TTN: variants seen among roughly 807,000 people sequenced by gnomAD.
The protein encoded by TTN is titin, also known as connectin.
In TTN, 1,525 loss-of-function variants were observed where a neutral mutation model predicts 3,223.0. The observed-to-expected ratio is 0.47, with a 90% CI of 0.45 to 0.49. The LOEUF (loss-of-function observed/expected upper bound fraction) is 0.49. Among genes scored for constraint, TTN ranks in the 20% least tolerant of loss-of-function variants. The probability of loss-of-function intolerance (pLI) is 0.00; values close to 1 mark genes in which losing one functional copy is unlikely to be tolerated. For missense variants in TTN, 40,786 were observed against 43,424.0 expected, an observed-to-expected ratio of 0.94 and a Z score of 5.40; for synonymous variants, 14,094 against 15,161.0, an observed-to-expected ratio of 0.93 and a Z score of 5.17.
rs766572300 is a variant in TTN at position 178,634,820 on chromosome 2, T to G, written c.42054A>C (p.Lys14018Asn). ...PTCEIKAEGGKRFLTLHKVKL... is the reference protein window; with the variant it reads ...PTCEIKAEGGNRFLTLHKVKL... ...TGACTTTGTGCAAAGTTAAGAAGCG[T>G]TTTCCACCTTCTGCTTTGATTTCAC... Residue 14018 changes from lysine (K) to asparagine (N), a missense_variant, in exon 229 of 363, where the codon AAA (lysine) becomes AAC (asparagine). Transcript: ENST00000589042. The surrounding 1 kb of genome is among the most constrained non-coding windows in gnomAD (Gnocchi z 4.6). The G allele has an allele frequency of 1.9e-6, 3 of 1,611,696 alleles. No homozygotes were observed. Among genetic ancestry groups the G allele is most frequent in the Non-Finnish European group, 1.7e-6 (2 of 1,179,088 alleles).
rs767251580 is a variant in TTN at position 178,533,835 on chromosome 2, A to G, written c.102780T>C (p.Phe34260=). The part of the protein sequence containing the change: ...TMRLLERPPE[F]TLPLYNKTAY... ...CTGTCTTATTATAGAGAGGCAGGGT[A>G]AATTCTGGTGGCCTTTCCAGGAGTC... The change falls in exon 358 of 363, where the codon TTT becomes TTC. Residue 34260 remains phenylalanine (F), a synonymous_variant. Transcript: ENST00000589042. 1 of 1,613,848 alleles carries G rather than the reference A, an allele frequency of 6.2e-7. No individual in the cohort carries two copies. The highest frequency in any genetic ancestry group is 2.2e-5 in the East Asian group (1 of 44,892).
chr2:178,574,415 A>G lies in TTN; in HGVS notation c.71717T>C (p.Met23906Thr). The change falls in exon 326 of 363, where the codon ATG becomes ACG. Residue 23906 changes from methionine (M) to threonine (T), a missense_variant. Transcript: ENST00000589042. Reference sequence around the variant, plus strand: ...CTTGCTTGGCTTACTTTTGCCTGCCATGTTTTCTGCAATCACCCGGAACTC... The same window carrying G: ...CTTGCTTGGCTTACTTTTGCCTGCCGTGTTTTCTGCAATCACCCGGAACTC... ...AYEFRVIAEN[M>T]AGKSKPSKPS... is the part of the protein sequence containing the mutation. 5.0e-6 allele frequency: 8 copies of G among 1,613,554 alleles called. No individual in the cohort carries two copies. Among genetic ancestry groups the G allele is most frequent in the Non-Finnish European group, 6.8e-6 (8 of 1,179,656 alleles).
rs778500616 is a variant in TTN, at chr2:178,714,315, C to T, written c.26459G>A (p.Cys8820Tyr). 6.2e-7 allele frequency: 1 copy of T among 1,613,006 alleles called. No individual in the cohort carries two copies. The highest frequency in any genetic ancestry group is 8.5e-7 in the Non-Finnish European group (1 of 1,179,116). Residue 8820 changes from cysteine (C) to tyrosine (Y), a missense_variant, in exon 91 of 363, where the codon TGC becomes TAC. Physicochemically the swap from Cys to Tyr is radical, Grantham distance 194. Coordinates refer to ENST00000589042, the MANE Select transcript of TTN (RefSeq NM_001267550.2). ...ACCGAGAACGGATAGCGTGGCGAAG[C>T]ACTCTTGCATCCCAGCATCGTTTTT... Reference protein sequence around the residue: ...QIKNDAGMQECFATLSVLEPA... With the variant: ...QIKNDAGMQEYFATLSVLEPA...
chr2:178,646,633 T>G, intron 215 of TTN, 74 bp from the exon 216 acceptor site: 1 of 826,046 alleles, frequency 1.2e-6, no homozygotes, highest in Non-Finnish European at 2.0e-6. Context: ...AAATTTCACA[T>G]TGATGCAAAG....
In TTN at chr2:178,774,409, T is replaced by C; in HGVS notation, c.6855A>G (p.Glu2285=). 6.2e-7 allele frequency: 1 copy of C among 1,613,906 alleles called. No individual in the cohort carries two copies. The highest frequency in any genetic ancestry group is 1.1e-5 in the South Asian group (1 of 91,084). The change falls in exon 30 of 363, where the codon GAA becomes GAG. Residue 2285 remains glutamate, a synonymous_variant. Coordinates refer to ENST00000589042, the MANE Select transcript of TTN (RefSeq NM_001267550.2). ...DIEVPESYSG[E]LECIVSPENI... ...TTTCTGGGGATACAATGCACTCTAA[T>C]TCTCCTGAATATGATTCTGGAACTT...
chr2:178,557,586 A>T, intron 328 of TTN, 31 bp from the exon 329 acceptor site: 1 of 1,613,254 alleles, frequency 6.2e-7, no homozygotes, highest in Non-Finnish European at 8.5e-7. Flanking sequence ...ATAGATTAGT[A>T]CAGACAATAA....
intron 319 of TTN, 42 bp from the exon 320 acceptor site, chr2:178,579,435 A>C: frequency 3.9e-6 from 6 of 1,558,062 alleles, no homozygotes; most frequent in Non-Finnish European, 5.2e-6. Context: ...TTTTAAGGCC[A>C]GGCGATTAAC....
At chr2:178,769,648 T>C in intron 37 of TTN, 31 bp downstream of exon 37, 3 of 1,305,946 alleles carry the variant, frequency 2.3e-6, no homozygotes, top group Non-Finnish European at 3.0e-6. Flanking sequence ...TATATATATG[T>C]GTATATATAT....
chr2:178,746,894 G>A, intron 47 of TTN: 2 of 1,613,476 alleles, frequency 1.2e-6, no homozygotes, highest in Non-Finnish European at 1.7e-6. Flanking sequence ...TTCATTGGGT[G>A]TACCAAATGA....
rs2046909755 is a variant in TTN, at chr2:178,578,328, A to T, written c.68330-143T>A. Reference sequence around the variant, plus strand: ...GTATCTATACTTTTATTACCCAAGCATAGTGCCATTTTTTTTTTCCTCTTG... The same window carrying T: ...GTATCTATACTTTTATTACCCAAGCTTAGTGCCATTTTTTTTTTCCTCTTG... On this transcript the variant is annotated intron_variant, in intron 321 of 362. Coordinates refer to ENST00000589042, the MANE Select transcript of TTN (RefSeq NM_001267550.2). 4 of 804,232 alleles carry T rather than the reference A, an allele frequency of 5.0e-6. No homozygotes were observed. In the East Asian group the frequency reaches 1.2e-4, roughly 24 times the overall value. 49.8% of individuals were successfully genotyped at this position (804,232 alleles called of 1,614,324 possible).
chr2:178,750,694 CTT>C, intron 47 of TTN: 1 of 1,612,434 alleles, frequency 6.2e-7, no homozygotes, highest in Non-Finnish European at 8.5e-7. Flanking sequence ...TCAAATCATC[CTT>C]TTTTATTCTT....
Position 178,718,072 on chromosome 2 carries a change from T to C in TTN, c.24934A>G (p.Met8312Val), listed in dbSNP as rs777456359. The part of the protein sequence containing the change: ...TKLRSAPAYK[M>V]QFKNNVASLV... Reference sequence around the variant, plus strand: ...GAAGCAACGTTATTTTTGAATTGCATTTTATATGCAGGAGCTGATCGTAGC... The same window carrying C: ...GAAGCAACGTTATTTTTGAATTGCACTTTATATGCAGGAGCTGATCGTAGC... The change falls in exon 86 of 363, where the codon ATG (methionine) becomes GTG (valine). Residue 8312 changes from methionine (M) to valine (V), a missense_variant. Physicochemically the swap from Met to Val is conservative, Grantham distance 21 (BLOSUM62 1). Coordinates refer to ENST00000589042, the MANE Select transcript of TTN (RefSeq NM_001267550.2). 6.2e-7 allele frequency: 1 copy of C among 1,613,734 alleles called. No homozygotes were observed. The highest frequency in any genetic ancestry group is 8.5e-7 in the Non-Finnish European group (1 of 1,179,726).
rs72648918 is a variant in TTN, at chr2:178,741,863, T to C, written c.11370A>G (p.Gln3790=). ...CAAGTGTTTCATTTATTTTAGATAA[T>C]TGAAGTTCGGCGCTATGAAGTCCTT... ...EEEGLHSAEL[Q]LSKINETLEL... is the part of the protein sequence containing the mutation. The change falls in exon 48 of 363, where the codon CAA becomes CAG. Residue 3790 remains glutamine, a synonymous_variant. Coordinates refer to ENST00000589042, the MANE Select transcript of TTN (RefSeq NM_001267550.2). 5.8e-4 allele frequency: 929 copies of C among 1,591,386 alleles called. 4 individuals are homozygous for C. The highest frequency in any genetic ancestry group is 1.4e-3 in the Admixed American group (77 of 55,732).
Position 178,738,145 on chromosome 2 carries a change from A to G in TTN, c.14308T>C (p.Tyr4770His). Residue 4770 changes from tyrosine to histidine, a missense_variant, in exon 49 of 363, where the codon TAT becomes CAT. Coordinates refer to ENST00000589042, the MANE Select transcript of TTN (RefSeq NM_001267550.2). ...LRTQVVDCGE[Y>H]TCKASNEYGS... ...TACTCATTGGAAGCTTTGCATGTAT[A>G]CTCGCCGCAGTCAACCACCTGGGTT... 1 of 1,613,806 alleles carries G rather than the reference A, an allele frequency of 6.2e-7. No homozygotes were observed. Among genetic ancestry groups the G allele is most frequent in the African/African-American group, 1.3e-5 (1 of 75,036 alleles).
intron 157 of TTN, among the ~76,000 whole-genome samples, 164 bp from the exon 158 acceptor site, chr2:178,669,839 G>A (rs1002886644): frequency 6.6e-6 from 1 of 151,962 alleles, no homozygotes; most frequent in Non-Finnish European, 1.5e-5. Context: ...TTGCTTTGTC[G>A]ATGAGTTCTT....
chr2:178,582,533 G>A lies in TTN; in HGVS notation c.65923C>T (p.Leu21975Phe). Residue 21975 changes from leucine to phenylalanine, a missense_variant, in exon 314 of 363, where the codon CTT becomes TTT. Transcript: ENST00000589042. ...INKMYSDRAM[L>F]SWEPPLEDGG... ...TCTTCAAGAGGCGGTTCCCAAGAAA[G>A]CATAGCACGATCTGAATACATTTTG... 1 of 1,612,900 alleles carries A rather than the reference G, an allele frequency of 6.2e-7. No homozygotes were observed. The highest frequency in any genetic ancestry group is 8.5e-7 in the Non-Finnish European group (1 of 1,179,264).
chr2:178,737,088 AAAAG>A (rs924299854), intron 49 of TTN, among the ~76,000 whole-genome samples: 3 of 151,960 alleles, frequency 2.0e-5, no homozygotes, highest in African/African-American at 7.3e-5. Context: ...GGAAAGAAAG[AAAAG>A]AAAGAAAGAA....
In TTN at chr2:178,612,945, C is replaced by T. The variant is rs770835197; in HGVS notation, c.49776G>A (p.Lys16592=). The T allele has an allele frequency of 5.6e-6, 9 of 1,612,560 alleles. No individual in the cohort carries two copies. The Admixed American group carries it at 1.3e-4, about 24-fold the overall frequency. The stretch of plus-strand genomic sequence containing the variant: ...CTCTGACCCACTCATCTGTTCCAGT[C>T]TTCAGCATTTCAATGACATAAGACT... ...KIESYVIEML[K]TGTDEWVRVA... is the part of the protein sequence containing the mutation. The change falls in exon 265 of 363, where the codon AAG becomes AAA. Residue 16592 remains lysine (K), a synonymous_variant. Transcript: ENST00000589042.
intron 239 of TTN, among the ~76,000 whole-genome samples, chr2:178,629,912 T>C (rs1400366656): frequency 1.3e-5 from 2 of 152,096 alleles, no homozygotes; most frequent in Non-Finnish European, 2.9e-5. Context: ...GTGCTCTAGT[T>C]GCACAGCCAC....
Sources: allele counts gnomAD v4.1 joint callset (sites outside exome capture counted in the v4.1 genomes callset), GRCh38; gene constraint gnomAD v4.1.1; non-coding constraint Gnocchi (gnomAD v3.1); transcripts MANE v1.5; gene names NCBI Gene and HGNC (gene_info 2026-07-23, HGNC 2026-07-21).